Variants in B4GALT1 observed in about 807,000 individuals in gnomAD.
B4GALT1 encodes the protein beta-1,4-galactosyltransferase 1.
In B4GALT1, 16 loss-of-function variants were observed where a neutral mutation model predicts 34.9. The observed-to-expected ratio is 0.46, with a 90% CI of 0.31 to 0.70. B4GALT1 has a LOEUF of 0.70. Ranked by LOEUF, B4GALT1 falls within the 30% of genes least tolerant of loss-of-function variation. The pLI, the probability that B4GALT1 is intolerant of heterozygous loss-of-function variation, is 0.05. For missense variants in B4GALT1, 445 were observed against 530.5 expected (o/e 0.84, Z 1.58); for synonymous variants, 221 against 218.1 (o/e 1.01, Z -0.12).
chr9:33,128,087 G>A (rs936604855), intron 2 of B4GALT1, among the ~76,000 whole-genome samples: 1 of 152,094 alleles, frequency 6.6e-6, no homozygotes, highest in African/African-American at 2.4e-5. Flanking sequence ...CGGTAGTTAG[G>A]TCGGCATTCC....
intron 2 of B4GALT1, among the ~76,000 whole-genome samples, chr9:33,126,657 A>AGGGTTAACCATTGT (rs1840107600): frequency 6.6e-6 from 1 of 152,014 alleles, no homozygotes; most frequent in Non-Finnish European, 1.5e-5. Context: ...ATTGTTAACC[A>AGGGTTAACCATTGT]TAGCAATATG....
At chr9:33,116,810 AC>A (rs1397868987) in intron 3 of B4GALT1, among the ~76,000 whole-genome samples, 2 of 147,168 alleles carry the variant, frequency 1.4e-5, no homozygotes, top group Non-Finnish European at 3.0e-5. Context: ...GGCAAGAGCC[AC>A]CATGTCCAGC....
chr9:33,128,856 G>A (rs972903132), intron 2 of B4GALT1, among the ~76,000 whole-genome samples: 3 of 152,240 alleles, frequency 2.0e-5, no homozygotes, highest in African/African-American at 7.2e-5. Context: ...TTGACCTTGT[G>A]TAGGAACCAG....
chr9:33,117,972 A>G (rs550039848), intron 3 of B4GALT1, among the ~76,000 whole-genome samples: 98 of 152,188 alleles, frequency 6.4e-4, no homozygotes, highest in Non-Finnish European at 1.2e-3. Flanking sequence ...TCTCTCCCCT[A>G]TCTGCCCCAA....
chr9:33,181,056 TAAA>T, the B4GALT1 span, among the ~76,000 whole-genome samples: 1 of 152,046 alleles, frequency 6.6e-6, no homozygotes. Flanking sequence ...AGGGACCTGT[TAAA>T]AAAAGAAATG....
chr9:33,135,555 C>T (rs985092204), intron 1 of B4GALT1, 131 bp from the exon 2 acceptor site: 20 of 858,228 alleles, frequency 2.3e-5, no homozygotes, highest in South Asian at 5.9e-5. Flanking sequence ...AACGTGGCCA[C>T]GGAGAGGGCC....
At chr9:33,144,345 C>T (rs931652786) in intron 1 of B4GALT1, among the ~76,000 whole-genome samples, 1 of 152,184 alleles carries the variant, frequency 6.6e-6, no homozygotes, top group Non-Finnish European at 1.5e-5. Context: ...AGCGATTCTC[C>T]TGCCTCAGCC....
chr9:33,117,504 T>C (rs981994990), intron 3 of B4GALT1, among the ~76,000 whole-genome samples: 4 of 152,190 alleles, frequency 2.6e-5, no homozygotes, highest in Admixed American at 2.6e-4. Flanking sequence ...CTAAAGGCTG[T>C]GGTTTTGTGT....
At chr9:33,127,441 T>C (rs1335717010) in intron 2 of B4GALT1, among the ~76,000 whole-genome samples, 1 of 152,224 alleles carries the variant, frequency 6.6e-6, no homozygotes, top group Non-Finnish European at 1.5e-5. Context: ...GAAAAGCTTC[T>C]CTTTCAGAAA....
At chr9:33,126,365 A>T (rs7850651) in intron 2 of B4GALT1, among the ~76,000 whole-genome samples, 11,970 of 152,284 alleles carry the variant, frequency 0.079, 774 homozygotes, top group African/African-American at 0.18. Context: ...GGATTATACA[A>T]ATGCTGAGTT....
At chr9:33,165,750 C>T (rs79050929) in intron 1 of B4GALT1, among the ~76,000 whole-genome samples, 1 of 152,336 alleles carries the variant, frequency 6.6e-6, no homozygotes, top group East Asian at 1.9e-4. Context: ...CTGGAAGCAA[C>T]CTGTGGTTGC....
chr9:33,169,246 G>T (rs1301526627), upstream of B4GALT1, among the ~76,000 whole-genome samples: 1 of 152,174 alleles, frequency 6.6e-6, no homozygotes, highest in African/African-American at 2.4e-5. Context: ...CAGAAACCCT[G>T]TTCAATCTGG....
intron 1 of B4GALT1, among the ~76,000 whole-genome samples, chr9:33,163,811 T>C (rs116175502): frequency 2.0e-3 from 304 of 152,302 alleles, no homozygotes; most frequent in African/African-American, 5.7e-3. Flanking sequence ...GAAAGAAGGA[T>C]AGCATAGCAC....
chr9:33,164,392 T>TA (rs1449643445), intron 1 of B4GALT1, among the ~76,000 whole-genome samples: 1 of 152,184 alleles, frequency 6.6e-6, no homozygotes, highest in East Asian at 1.9e-4. Flanking sequence ...GAACTGTACC[T>TA]AACCACCCAA....
At chr9:33,164,291 T>C (rs1020706789) in intron 1 of B4GALT1, among the ~76,000 whole-genome samples, 1 of 152,184 alleles carries the variant, frequency 6.6e-6, no homozygotes, top group Non-Finnish European at 1.5e-5. Flanking sequence ...CACCTGCCCA[T>C]GAACAGATGG....
chr9:33,134,758 G>GC (rs1453519644), intron 2 of B4GALT1, among the ~76,000 whole-genome samples: 1 of 152,192 alleles, frequency 6.6e-6, no homozygotes, highest in African/African-American at 2.4e-5. Context: ...GTCTCCAGGT[G>GC]CCCCAGGAGA....
intron 2 of B4GALT1, among the ~76,000 whole-genome samples, chr9:33,121,234 A>C (rs934634916): frequency 1.3e-5 from 2 of 152,256 alleles, no homozygotes; most frequent in African/African-American, 4.8e-5. Context: ...TGGAGGGCAG[A>C]AGGCCATGCC....
Position 33,166,788 on chromosome 9 carries a change from G to A in B4GALT1, c.382C>T (p.Pro128Ser), listed in dbSNP as rs1183743891. 9.2e-6 allele frequency: 14 copies of A among 1,526,722 alleles called. No individual in the cohort carries two copies. The highest frequency in any genetic ancestry group is 2.8e-5 in the African/African-American group (2 of 72,084). 94.6% of individuals were successfully genotyped at this position (1,526,722 alleles called of 1,614,324 possible). A position where few individuals can be genotyped will look rare whatever the true frequency, so the allele number is the denominator to read the frequency against. ...PVPHTTALSL[P>S]ACPEESPLLV... ...AGCGGGGACTCCTCAGGGCAGGCGG[G>A]CAGCGACAGTGCGGTGGTGTGGGGC... is the stretch of plus-strand genomic sequence containing the variant. Residue 128 changes from proline to serine, a missense_variant, in exon 1 of 6, where the codon CCC becomes TCC. This residue lies in a region of B4GALT1 where 349 missense variants were observed against 395.5 expected (regional missense o/e 0.88). Coordinates refer to ENST00000379731, the MANE Select transcript of B4GALT1 (RefSeq NM_001497.4).
intron 4 of B4GALT1, among the ~76,000 whole-genome samples, chr9:33,115,772 T>C (rs1839929908): frequency 6.6e-6 from 1 of 152,230 alleles, no homozygotes; most frequent in South Asian, 2.1e-4. Flanking sequence ...GGTTCCCATT[T>C]GACATTTTTC....
Sources: allele counts gnomAD v4.1 joint callset (sites outside exome capture counted in the v4.1 genomes callset), GRCh38; gene constraint gnomAD v4.1.1; regional missense constraint gnomAD v4.1.1; transcripts MANE v1.5; gene names NCBI Gene and HGNC (gene_info 2026-07-23, HGNC 2026-07-21).